Variants in TANC2 observed in about 807,000 individuals in gnomAD.
TANC2 encodes tetratricopeptide repeat, ankyrin repeat and coiled-coil containing 2.
In TANC2, 26 loss-of-function variants were observed where a neutral mutation model predicts 210.5. The ratio of observed to expected loss-of-function variants is 0.12; its 90% CI spans 0.09 to 0.17. The LOEUF is 0.17. Among genes scored for constraint, TANC2 ranks in the 10% least tolerant of loss-of-function variants. TANC2 has a pLI of 1.00. For missense variants in TANC2, 2,129 were observed against 2,608.9 expected, an observed-to-expected ratio of 0.82 and a Z score of 4.01; for synonymous variants, 931 against 967.1, an observed-to-expected ratio of 0.96 and a Z score of 0.69.
chr17:63,164,248 C>T lies in TANC2; in HGVS notation c.433+12868C>T, dbSNP rs572062305. On this transcript the variant is annotated intron_variant, in intron 5 of 27. Coordinates refer to ENST00000689528, the Ensembl canonical transcript of TANC2. ...CTCCTGGGCTCAAACAACCCTCCCACCTCAGCCTCCCAAAATACTGGGATT... is the reference window on the plus strand; with the variant it reads ...CTCCTGGGCTCAAACAACCCTCCCATCTCAGCCTCCCAAAATACTGGGATT... Among the ~76,000 whole-genome samples, 85 of 151,802 alleles carry T rather than the reference C, an allele frequency of 5.6e-4. 1 individual carries two copies. Among genetic ancestry groups the T allele is most frequent in the Middle Eastern group, 3.4e-3 (1 of 292 alleles).
chr17:63,411,394 G>A lies in TANC2; in HGVS notation c.3590-117G>A, dbSNP rs975117729. On this transcript the variant is annotated intron_variant, in intron 21 of 27. Transcript: ENST00000689528. ...GGCATACCAGCATCAGTCTTAAAAT[G>A]GAAATAGTCCAGAAACGAGCAGTGT... 9.0e-6 allele frequency: 9 copies of A among 1,000,606 alleles called. No individual in the cohort carries two copies. In the African/African-American group the frequency reaches 9.7e-5, roughly 11 times the overall value. 62.0% of individuals were successfully genotyped at this position (1,000,606 alleles called of 1,614,324 possible). A position where few individuals can be genotyped will look rare whatever the true frequency, so the allele number is the denominator to read the frequency against.
rs539774226 is a variant in TANC2, at chr17:62,999,186, G to C, written c.-23-10351G>C. On this transcript the variant is annotated intron_variant, in intron 1 of 27. Coordinates refer to ENST00000689528, the Ensembl canonical transcript of TANC2. ...TCTTGAGAGATGTGGTCATTTGAAA[G>C]TCTGTGGCACCTCCCCCCAACACAC... Among the ~76,000 whole-genome samples the C allele has an allele frequency of 5.9e-5, 9 of 152,214 alleles. No individual in the cohort carries two copies. The Middle Eastern group carries it at 0.014, about 230-fold the overall frequency.
At chr17:63,355,283 C>T in exon 14 of TANC2, 1 of 1,613,212 alleles carries the variant, frequency 6.2e-7, no homozygotes, top group South Asian at 1.1e-5. Context: ...TCTCCATGTT[C>T]CTAATCAAGC....
At chr17:63,237,120 G>C (rs1473675845) in intron 7 of TANC2, among the ~76,000 whole-genome samples, 2 of 152,036 alleles carry the variant, frequency 1.3e-5, no homozygotes, top group African/African-American at 2.4e-5. Flanking sequence ...GTGTATATGA[G>C]CATTCTCTGC....
chr17:63,176,738 G>A (rs751561908), intron 5 of TANC2, among the ~76,000 whole-genome samples: 3 of 151,088 alleles, frequency 2.0e-5, no homozygotes, highest in Non-Finnish European at 4.4e-5. Flanking sequence ...CCCGGGAGGC[G>A]GAGCTTGCAG....
intron 8 of TANC2, among the ~76,000 whole-genome samples, chr17:63,260,725 G>A (rs2043330717): frequency 6.6e-6 from 1 of 150,962 alleles, no homozygotes; most frequent in Admixed American, 6.6e-5. Flanking sequence ...TCACACCACT[G>A]CACTCTAGCC....
At chr17:63,390,037 C>T (rs1008076916) in intron 17 of TANC2, 3 of 174,464 alleles carry the variant, frequency 1.7e-5, no homozygotes, top group African/African-American at 7.1e-5. Flanking sequence ...AGATGATTCT[C>T]CCTATTTATA....
At chr17:63,191,077 T>C (rs1052831936) in intron 5 of TANC2, among the ~76,000 whole-genome samples, 1 of 151,912 alleles carries the variant, frequency 6.6e-6, no homozygotes, top group Non-Finnish European at 1.5e-5. Flanking sequence ...AGAGGTTTTA[T>C]CGTAGCAGTT....
chr17:63,227,631 T>G (rs2145978466), intron 7 of TANC2, among the ~76,000 whole-genome samples: 1 of 152,320 alleles, frequency 6.6e-6, no homozygotes, highest in Non-Finnish European at 1.5e-5. Flanking sequence ...TTTGTTAATT[T>G]TGGCTTTTAT....
chr17:63,399,629 TGTA>T (rs1317424899), intron 19 of TANC2, among the ~76,000 whole-genome samples: 1 of 152,180 alleles, frequency 6.6e-6, no homozygotes, highest in Non-Finnish European at 1.5e-5. Flanking sequence ...CAATGAAAAC[TGTA>T]GAGTAACCCC....
intron 2 of TANC2, among the ~76,000 whole-genome samples, chr17:63,063,752 G>T (rs1349136639): frequency 6.6e-6 from 1 of 150,800 alleles, no homozygotes; most frequent in Non-Finnish European, 1.5e-5. Flanking sequence ...TGTAATTCTT[G>T]TTCCTGGGTA....
intron 2 of TANC2, among the ~76,000 whole-genome samples, chr17:63,049,431 T>C (rs1050782803): frequency 7.9e-5 from 12 of 152,108 alleles, no homozygotes; most frequent in South Asian, 2.1e-4. Flanking sequence ...GGGACAGTTA[T>C]GTATCTACCC....
chr17:62,987,638 G>A (rs548146535), intron 1 of TANC2, among the ~76,000 whole-genome samples: 1 of 152,306 alleles, frequency 6.6e-6, no homozygotes, highest in African/African-American at 2.4e-5. Flanking sequence ...ATCCAGGTGG[G>A]AAGATAGGGC....
At chr17:63,360,173 T>C (rs536811635) in intron 14 of TANC2, among the ~76,000 whole-genome samples, 2 of 152,332 alleles carry the variant, frequency 1.3e-5, no homozygotes, top group East Asian at 3.9e-4. Context: ...AGTTGAAGTT[T>C]GTGTTGATTT....
intron 9 of TANC2, among the ~76,000 whole-genome samples, chr17:63,287,867 G>A (rs939047567): frequency 2.6e-5 from 4 of 151,914 alleles, no homozygotes; most frequent in African/African-American, 9.7e-5. Flanking sequence ...GTAGAGACGG[G>A]GTTTCACCAT....
At position 63,136,093 on chromosome 17, in the gene TANC2, A is replaced by G. The variant is rs1031415975; in HGVS notation, c.323-15177A>G. ...AGTTGCAGGCCATAGTAATTTGCCT[A>G]TTTCCTTATAAGATAAAGATTTACA... is the stretch of plus-strand genomic sequence containing the variant. On this transcript the variant is annotated intron_variant, in intron 4 of 27. Transcript: ENST00000689528. Among the ~76,000 whole-genome samples, 8 of 152,212 alleles carry G rather than the reference A, an allele frequency of 5.3e-5. No individual in the cohort carries two copies. In the South Asian group the frequency reaches 6.2e-4, roughly 12 times the overall value.
chr17:63,208,971 A>C (rs1384842133), intron 7 of TANC2, among the ~76,000 whole-genome samples: 1 of 151,460 alleles, frequency 6.6e-6, no homozygotes, highest in East Asian at 1.9e-4. Flanking sequence ...TCCTTATATC[A>C]TGTATTATTT....
chr17:63,137,953 C>A (rs1177518280), intron 4 of TANC2, among the ~76,000 whole-genome samples: 1 of 152,106 alleles, frequency 6.6e-6, no homozygotes, highest in African/African-American at 2.4e-5. Context: ...AGAATACTAT[C>A]TTTTTATAAA....
chr17:63,415,625 T>C, exon 26 of TANC2: 1 of 1,613,744 alleles, frequency 6.2e-7, no homozygotes. Context: ...TTCCGGGAAC[T>C]AAAGGTGTCT....
Sources: allele counts gnomAD v4.1 joint callset (sites outside exome capture counted in the v4.1 genomes callset), GRCh38; gene constraint gnomAD v4.1.1; transcripts MANE v1.5; gene names NCBI Gene and HGNC (gene_info 2026-07-23, HGNC 2026-07-21).